Variants in MIPEP observed in about 807,000 individuals in gnomAD.
MIPEP encodes the protein mitochondrial intermediate peptidase.
In MIPEP, 79 loss-of-function variants were observed where a neutral mutation model predicts 90.3. That is an observed-to-expected ratio of 0.87 (90% CI 0.73 to 1.05). The LOEUF is 1.05. Among genes scored for constraint, MIPEP ranks in the 50% least tolerant of loss-of-function variants. The pLI, the probability that MIPEP is intolerant of heterozygous loss-of-function variation, is 0.00. For missense variants in MIPEP, 940 were observed against 905.6 expected, an observed-to-expected ratio of 1.04 and a Z score of -0.49; for synonymous variants, 334 against 315.8, an observed-to-expected ratio of 1.06 and a Z score of -0.61.
intron 14 of MIPEP, among the ~76,000 whole-genome samples, chr13:23,823,506 T>C (rs544089482): frequency 1.5e-4 from 23 of 152,244 alleles, no homozygotes; most frequent in East Asian, 5.8e-4. Flanking sequence ...CATCTTGGTG[T>C]GATCAATAAT....
intron 16 of MIPEP, among the ~76,000 whole-genome samples, chr13:23,763,892 A>G (rs1952570478): frequency 6.6e-6 from 1 of 152,222 alleles, no homozygotes; most frequent in South Asian, 2.1e-4. Flanking sequence ...GCTAAGACCT[A>G]CAATTCCACT....
chr13:23,828,353 A>C (rs905916974), intron 14 of MIPEP, among the ~76,000 whole-genome samples: 1 of 152,236 alleles, frequency 6.6e-6, no homozygotes, highest in African/African-American at 2.4e-5. Flanking sequence ...GGTAAACAGA[A>C]AAGATACGTG....
chr13:23,854,059 C>A (rs918229837), intron 10 of MIPEP, among the ~76,000 whole-genome samples: 1 of 151,928 alleles, frequency 6.6e-6, no homozygotes, highest in Non-Finnish European at 1.5e-5. Flanking sequence ...GGCGCGGTGG[C>A]TCACGCCTGT....
At chr13:23,806,460 G>A (rs539128636) in intron 15 of MIPEP, among the ~76,000 whole-genome samples, 6 of 152,196 alleles carry the variant, frequency 3.9e-5, no homozygotes, top group Admixed American at 6.5e-5. Context: ...GGAGGATCAC[G>A]AGGTCAGGAG....
At chr13:23,750,899 C>T (rs1952434342) in intron 18 of MIPEP, among the ~76,000 whole-genome samples, 4 of 152,198 alleles carry the variant, frequency 2.6e-5, no homozygotes, top group Non-Finnish European at 5.9e-5. Flanking sequence ...TGGGCCCCTG[C>T]TGCGATGACA....
chr13:23,762,967 T>G (rs746396698), intron 16 of MIPEP, among the ~76,000 whole-genome samples: 1 of 152,198 alleles, frequency 6.6e-6, no homozygotes, highest in Non-Finnish European at 1.5e-5. Flanking sequence ...CCCTCCAGCA[T>G]AGTGAAGGGC....
chr13:23,801,468 T>C (rs1338434853), intron 16 of MIPEP, among the ~76,000 whole-genome samples: 1 of 152,194 alleles, frequency 6.6e-6, no homozygotes, highest in Non-Finnish European at 1.5e-5. Flanking sequence ...GTGTTTTCTA[T>C]CTACCAAGAC....
chr13:23,827,530 C>T (rs1868523985), intron 14 of MIPEP, among the ~76,000 whole-genome samples: 2 of 151,994 alleles, frequency 1.3e-5, no homozygotes, highest in African/African-American at 2.4e-5. Flanking sequence ...TAAATAAATG[C>T]TTGTAAAGAA....
At chr13:23,765,022 A>G (rs1952579558) in intron 16 of MIPEP, among the ~76,000 whole-genome samples, 1 of 152,264 alleles carries the variant, frequency 6.6e-6, no homozygotes, top group South Asian at 2.1e-4. Context: ...TTCAATGAAT[A>G]CAGTCGAATA....
chr13:23,757,760 G>C (rs1045162819), intron 17 of MIPEP, among the ~76,000 whole-genome samples: 17 of 152,140 alleles, frequency 1.1e-4, no homozygotes, highest in African/African-American at 4.1e-4. Flanking sequence ...GTTCCACAAG[G>C]AACGCTGTTA....
At chr13:23,789,190 TATGTCACAG>T (rs71070622) in intron 16 of MIPEP, among the ~76,000 whole-genome samples, 45,012 of 151,820 alleles carry the variant, frequency 0.3, 6,959 homozygotes, top group South Asian at 0.48. Context: ...ACGTAAACCA[TATGTCACAG>T]ATGTTATAAT....
chr13:23,733,603 C>A (rs1233354878), intron 18 of MIPEP, among the ~76,000 whole-genome samples: 1 of 152,158 alleles, frequency 6.6e-6, no homozygotes, highest in Non-Finnish European at 1.5e-5. Flanking sequence ...TGTGATCATC[C>A]CACCAGAAAG....
chr13:23,823,718 C>T lies in MIPEP; in HGVS notation c.1653+12522G>A, dbSNP rs1051205687. 6.0e-4 allele frequency among the ~76,000 whole-genome samples: 92 copies of T among 152,164 alleles called. 3 individuals carry two copies. Among genetic ancestry groups the T allele is most frequent in the Non-Finnish European group, 4.4e-5 (3 of 68,012 alleles). The stretch of plus-strand genomic sequence containing the variant: ...ATAACAGGCCCTGTAGTCCTAGCTA[C>T]TTGGGAGGCTGGGGCAGGAGGACTG... On this transcript the variant is annotated intron_variant, in intron 14 of 18. Coordinates refer to ENST00000382172, the MANE Select transcript of MIPEP (RefSeq NM_005932.4).
chr13:23,881,591 C>G, intron 3 of MIPEP, 108 bp downstream of exon 3: 1 of 941,388 alleles, frequency 1.1e-6, no homozygotes, highest in East Asian at 2.6e-5. Flanking sequence ...ACCTCCCACC[C>G]TGCTGGGTGA....
chr13:23,887,650 G>A (rs1471677524), intron 1 of MIPEP, among the ~76,000 whole-genome samples: 1 of 152,080 alleles, frequency 6.6e-6, no homozygotes, highest in Non-Finnish European at 1.5e-5. Context: ...AACACATGGG[G>A]GAACTCAATG....
At chr13:23,870,336 A>G in intron 5 of MIPEP, 141 bp from the exon 6 acceptor site, 1 of 385,760 alleles carries the variant, frequency 2.6e-6, no homozygotes, top group Non-Finnish European at 4.4e-6. Context: ...AGTAAAATGA[A>G]TATATTGTTA....
At position 23,760,094 on chromosome 13, in the gene MIPEP, A is replaced by T. The variant is rs773688171; in HGVS notation, c.1970+2T>A. ...GGGACATTTTAGAACTTACCCCCTT[A>T]CCTGTTGAAAGGATCCTGTAGAAAA... On this transcript the variant is annotated splice_donor_variant, in intron 17 of 18. Coordinates refer to ENST00000382172, the MANE Select transcript of MIPEP (RefSeq NM_005932.4). LOFTEE classifies it high-confidence loss of function. 33 of 1,613,976 alleles carry T rather than the reference A, an allele frequency of 2.0e-5. No homozygotes were observed. The highest frequency in any genetic ancestry group is 2.7e-5 in the African/African-American group (2 of 74,908).
chr13:23,829,760 C>T (rs1868648556), intron 14 of MIPEP, among the ~76,000 whole-genome samples: 1 of 151,962 alleles, frequency 6.6e-6, no homozygotes, highest in South Asian at 2.1e-4. Flanking sequence ...CCTGGGCAAC[C>T]TAGCAAGACC....
At chr13:23,780,234 C>T (rs567570124) in intron 16 of MIPEP, among the ~76,000 whole-genome samples, 1 of 152,272 alleles carries the variant, frequency 6.6e-6, no homozygotes, top group East Asian at 1.9e-4. Context: ...CTCACACGGC[C>T]GGGTACCCCT....
Sources: gnomAD v4.1 joint callset for allele counts (sites outside exome capture counted in the v4.1 genomes callset) on GRCh38, gnomAD v4.1.1 for gene constraint, MANE v1.5 for transcripts, NCBI Gene and HGNC (gene_info 2026-07-23, HGNC 2026-07-21) for gene names.